MSI2: variants seen among roughly 807,000 people sequenced by gnomAD.
MSI2 encodes the protein musashi RNA binding protein 2.
Under a neutral mutation model 45.6 loss-of-function variants are expected in MSI2, and 17 were observed. That is an observed-to-expected ratio of 0.37 (90% CI 0.26 to 0.56). The LOEUF (loss-of-function observed/expected upper bound fraction) is 0.56. Among genes scored for constraint, MSI2 ranks in the 20% least tolerant of loss-of-function variants. The pLI, the probability that MSI2 is intolerant of heterozygous loss-of-function variation, is 0.77. For missense variants in MSI2, 293 were observed against 444.2 expected, an observed-to-expected ratio of 0.66 and a Z score of 3.06; for synonymous variants, 156 against 158.2, an observed-to-expected ratio of 0.99 and a Z score of 0.11.
chr17:57,606,967 G>C (rs933424847), intron 8 of MSI2, among the ~76,000 whole-genome samples: 6 of 152,018 alleles, frequency 3.9e-5, no homozygotes, highest in Non-Finnish European at 7.4e-5. Flanking sequence ...TCTATGATTG[G>C]ATTCTGACTG....
intron 7 of MSI2, among the ~76,000 whole-genome samples, chr17:57,587,619 T>G (rs1904422241): frequency 6.8e-6 from 1 of 148,018 alleles, no homozygotes; most frequent in Admixed American, 6.7e-5. Context: ...CTAAGTCGCT[T>G]TCCCCCTCCT....
chr17:57,304,243 G>T (rs1415725027), intron 5 of MSI2, among the ~76,000 whole-genome samples: 1 of 151,066 alleles, frequency 6.6e-6, no homozygotes, highest in Non-Finnish European at 1.5e-5. Flanking sequence ...TGTAGTCCCA[G>T]TTACTTGGGA....
At chr17:57,649,048 G>A (rs1298645795) in intron 10 of MSI2, among the ~76,000 whole-genome samples, 3 of 152,166 alleles carry the variant, frequency 2.0e-5, no homozygotes, top group Non-Finnish European at 2.9e-5. Flanking sequence ...TGTGCCCTCC[G>A]TCACCACAGC....
intron 5 of MSI2, among the ~76,000 whole-genome samples, chr17:57,373,669 A>C (rs891896766): frequency 6.6e-6 from 1 of 152,150 alleles, no homozygotes; most frequent in Admixed American, 6.5e-5. Context: ...GGAAGTCCCC[A>C]CCAAATTGGG....
In MSI2 at chr17:57,683,084, C is replaced by T. The variant is rs953495781; in HGVS notation, c.*3567C>T. ...TTGATTCAAACAAAGCCCCAGCAGGCCTTTGCGTTTTTATCCTTCATAACC... is the reference window on the plus strand; with the variant it reads ...TTGATTCAAACAAAGCCCCAGCAGGTCTTTGCGTTTTTATCCTTCATAACC... On this transcript the variant is annotated 3_prime_UTR_variant, in exon 14 of 14. Transcript: ENST00000284073. The surrounding 1 kb of genome is among the most constrained non-coding windows in gnomAD (Gnocchi z 5.2). 1 of 230,162 alleles carries T rather than the reference C, an allele frequency of 4.3e-6. No individual in the cohort carries two copies. The allele number at this position is 230,162 out of a possible 1,614,324, so 14.3% of individuals were successfully genotyped here.
intron 6 of MSI2, among the ~76,000 whole-genome samples, chr17:57,444,928 C>G (rs2143496302): frequency 6.6e-6 from 1 of 152,278 alleles, no homozygotes; most frequent in Middle Eastern, 3.4e-3. Context: ...TTTCAGCACT[C>G]AAACAGGAGG....
At chr17:57,586,573 A>C (rs2088354258) in intron 7 of MSI2, among the ~76,000 whole-genome samples, 1 of 152,066 alleles carries the variant, frequency 6.6e-6, no homozygotes, top group Non-Finnish European at 1.5e-5. Context: ...GCTTTCGCGT[A>C]AGGATTTGAT....
At chr17:57,379,252 A>G (rs921916872) in intron 5 of MSI2, among the ~76,000 whole-genome samples, 7 of 151,540 alleles carry the variant, frequency 4.6e-5, no homozygotes, top group African/African-American at 1.7e-4. Context: ...TAAAAAAACT[A>G]CCACCTGCCT....
At chr17:57,359,492 A>G (rs1231667349) in intron 5 of MSI2, among the ~76,000 whole-genome samples, 1 of 152,174 alleles carries the variant, frequency 6.6e-6, no homozygotes, top group Non-Finnish European at 1.5e-5. Context: ...CAACTATAAA[A>G]TGGATGTCCC....
intron 11 of MSI2, among the ~76,000 whole-genome samples, chr17:57,670,332 T>G (rs969851198): frequency 2.0e-5 from 3 of 152,206 alleles, no homozygotes; most frequent in Non-Finnish European, 4.4e-5. Flanking sequence ...CCCTTGTCAC[T>G]GCAGTTGGGC....
chr17:57,513,348 G>A (rs1644048312), intron 6 of MSI2, among the ~76,000 whole-genome samples: 2 of 152,168 alleles, frequency 1.3e-5, no homozygotes, highest in African/African-American at 4.8e-5. Flanking sequence ...CAGAGGCACA[G>A]AAAGGTTGAG....
At chr17:57,295,584 C>T (rs1263126648) in intron 5 of MSI2, among the ~76,000 whole-genome samples, 1 of 152,030 alleles carries the variant, frequency 6.6e-6, no homozygotes, top group Non-Finnish European at 1.5e-5. Context: ...AAGGAATAGA[C>T]TTATTAAGGT....
At chr17:57,669,710 C>T (rs565740670) in intron 11 of MSI2, among the ~76,000 whole-genome samples, 2 of 152,222 alleles carry the variant, frequency 1.3e-5, no homozygotes, top group Admixed American at 6.5e-5. Flanking sequence ...CTCTCCTGCT[C>T]TCAGTCCTCC....
At chr17:57,651,378 C>T (rs1418729756) in intron 10 of MSI2, among the ~76,000 whole-genome samples, 3 of 152,086 alleles carry the variant, frequency 2.0e-5, no homozygotes, top group African/African-American at 7.2e-5. Flanking sequence ...ACAATTGCCT[C>T]AGGAGGTTGA....
chr17:57,502,599 T>C (rs1567862572), intron 6 of MSI2, among the ~76,000 whole-genome samples: 2 of 34,836 alleles, frequency 5.7e-5, no homozygotes, highest in Admixed American at 4.1e-4. Flanking sequence ...AAGATGACTC[T>C]GAGATATATA....
chr17:57,635,626 G>T (rs527441579), intron 10 of MSI2, among the ~76,000 whole-genome samples: 101 of 152,382 alleles, frequency 6.6e-4, no homozygotes, highest in African/African-American at 2.3e-3. Context: ...TCCCTCCCAG[G>T]ATACTGTGTG....
chr17:57,679,120 T>G (rs1913441849), intron 13 of MSI2, among the ~76,000 whole-genome samples: 1 of 152,220 alleles, frequency 6.6e-6, no homozygotes, highest in Admixed American at 6.5e-5. Context: ...TAAAGGCAAG[T>G]TTGTGGGGTT....
Position 57,674,993 on chromosome 17 carries a change from G to C in MSI2, c.812G>C (p.Gly271Ala). 6.2e-7 allele frequency: 1 copy of C among 1,613,512 alleles called. No homozygotes were observed. Among genetic ancestry groups the C allele is most frequent in the South Asian group, 1.1e-5 (1 of 91,042 alleles). ...GCAGGCTCCAACCCGGCGCGGCCCG[G>C]AGGCTTCCCGGGGGCCAACAGCCCA... ...RGSGSNPARP[G>A]GFPGANSPGP... The change falls in exon 12 of 14, where the codon GGA (glycine) becomes GCA (alanine). Residue 271 changes from glycine (G) to alanine (A), a missense_variant. By Grantham distance (60) the Gly-to-Ala change is moderately conservative (BLOSUM62 0). Transcript: ENST00000284073.
chr17:57,281,764 A>G (rs1909442202), intron 5 of MSI2, among the ~76,000 whole-genome samples: 1 of 152,152 alleles, frequency 6.6e-6, no homozygotes, highest in Admixed American at 6.5e-5. Flanking sequence ...CCTTTTGTGT[A>G]AAAAGGGCCT....
Sources: gnomAD v4.1 joint callset for allele counts (sites outside exome capture counted in the v4.1 genomes callset) on GRCh38, gnomAD v4.1.1 for gene constraint, Gnocchi (gnomAD v3.1) non-coding constraint, MANE v1.5 for transcripts, NCBI Gene and HGNC (gene_info 2026-07-23, HGNC 2026-07-21) for gene names.